IRF4: variants seen among roughly 807,000 people sequenced by gnomAD.
The protein encoded by IRF4 is interferon regulatory factor 4, also known as lymphocyte-specific interferon regulatory factor.
IRF4 carries 13 observed loss-of-function variants against 55.5 expected under a neutral mutation model. That is an observed-to-expected ratio of 0.23 (90% confidence interval 0.15 to 0.37). IRF4 has a LOEUF of 0.37. Among genes scored for constraint, IRF4 ranks in the 10% least tolerant of loss-of-function variants. The pLI, the probability that IRF4 is intolerant of heterozygous loss-of-function variation, is 1.00. For missense variants in IRF4, 397 were observed against 593.8 expected (o/e 0.67, Z 3.44); for synonymous variants, 249 against 240.7 (o/e 1.03, Z -0.32).
At chr6:396,002 G>C in intron 4 of IRF4, 67 bp downstream of exon 4, 1 of 1,282,654 alleles carries the variant, frequency 7.8e-7, no homozygotes, top group Non-Finnish European at 1.1e-6. Flanking sequence ...CATGGCCAGA[G>C]AACCACAGCA....
rs551605330 is a variant in IRF4, at chr6:408,330, G to A, written c.*732G>A. 15 of 231,992 alleles carry A rather than the reference G, an allele frequency of 6.5e-5. No individual in the cohort carries two copies. Among genetic ancestry groups the A allele is most frequent in the African/African-American group, 3.3e-4 (15 of 45,356 alleles). 14.4% of individuals were successfully genotyped at this position (231,992 alleles called of 1,614,324 possible). ...TGACTGAAGCCGTGCCTGTAGCCTTGGGGAGGCCCATCCCCCACCTGCCAG... is the reference window on the plus strand; with the variant it reads ...TGACTGAAGCCGTGCCTGTAGCCTTAGGGAGGCCCATCCCCCACCTGCCAG... On this transcript the variant is annotated 3_prime_UTR_variant, in exon 9 of 9. Coordinates refer to ENST00000380956, the MANE Select transcript of IRF4 (RefSeq NM_002460.4).
At chr6:397,337 A>G in intron 5 of IRF4, 85 bp downstream of exon 5, 1 of 1,478,158 alleles carries the variant, frequency 6.8e-7, no homozygotes. Context: ...TGTCCTGGGC[A>G]GCACCAAAGC....
chr6:397,031 C>T, intron 4 of IRF4, 77 bp from the exon 5 acceptor site: 2 of 1,483,976 alleles, frequency 1.3e-6, no homozygotes, highest in Non-Finnish European at 1.8e-6. Flanking sequence ...TGCTTCCTAT[C>T]TCAGCCTCTC....
chr6:404,173 C>T (rs979308750), intron 7 of IRF4, among the ~76,000 whole-genome samples: 3 of 152,152 alleles, frequency 2.0e-5, no homozygotes, highest in South Asian at 2.1e-4. Flanking sequence ...GTTTCTTTTG[C>T]GGGCGTGACA....
chr6:395,503 C>T (rs1761228659), intron 3 of IRF4, among the ~76,000 whole-genome samples: 1 of 152,128 alleles, frequency 6.6e-6, no homozygotes, highest in South Asian at 2.1e-4. Flanking sequence ...ACCAGTGTGT[C>T]TGGAAGAGAG....
intron 7 of IRF4, among the ~76,000 whole-genome samples, chr6:404,663 C>A (rs1279632053): frequency 6.6e-6 from 1 of 152,248 alleles, no homozygotes; most frequent in Admixed American, 6.5e-5. Context: ...ATAAATTGGT[C>A]TTTTGCCATT....
Position 405,073 on chromosome 6 carries a change from A to T in IRF4, c.1155A>T (p.Leu385=), listed in dbSNP as rs1581230803. The change falls in exon 8 of 9, where the codon CTA becomes CTT. Residue 385 remains leucine (L), a synonymous_variant. Coordinates refer to ENST00000380956, the MANE Select transcript of IRF4 (RefSeq NM_002460.4). Reference sequence around the variant, plus strand: ...CCCTGCCAAGATTCCAGGTGACTCTATGCTTTGGAGAGGAGTTTCCAGACC... The same window carrying T: ...CCCTGCCAAGATTCCAGGTGACTCTTTGCTTTGGAGAGGAGTTTCCAGACC... ...GRSLPRFQVT[L]CFGEEFPDPQ... 1 of 1,614,096 alleles carries T rather than the reference A, an allele frequency of 6.2e-7. No homozygotes were observed. The highest frequency in any genetic ancestry group is 8.5e-7 in the Non-Finnish European group (1 of 1,179,968).
At chr6:400,330 C>G (rs1341464924) in intron 6 of IRF4, among the ~76,000 whole-genome samples, 2 of 152,166 alleles carry the variant, frequency 1.3e-5, no homozygotes, top group Admixed American at 1.3e-4. Context: ...TGCCACTCCC[C>G]TGCGGTCTGG....
At chr6:403,138 G>A (rs1210971728) in intron 7 of IRF4, among the ~76,000 whole-genome samples, 4 of 152,256 alleles carry the variant, frequency 2.6e-5, no homozygotes, top group African/African-American at 9.6e-5. Flanking sequence ...GAAGTCACCT[G>A]GGGCTGGACA....
intron 7 of IRF4, among the ~76,000 whole-genome samples, chr6:402,850 G>A (rs997492481): frequency 7.2e-5 from 11 of 152,194 alleles, no homozygotes; most frequent in Non-Finnish European, 1.2e-4. Context: ...TGGCCAACAT[G>A]GCAAAACCCC....
rs548184391 is a variant in IRF4, at chr6:404,979, G to C, written c.1100-39G>C. On this transcript the variant is annotated intron_variant, in intron 7 of 8. Coordinates refer to ENST00000380956, the MANE Select transcript of IRF4 (RefSeq NM_002460.4). Reference sequence around the variant, plus strand: ...TTAACCTGGTGTGTTCGGTGATGAGGGTTTCTGAACATGGTCTCTTTCTTG... The same window carrying C: ...TTAACCTGGTGTGTTCGGTGATGAGCGTTTCTGAACATGGTCTCTTTCTTG... 2.3e-6 allele frequency: 3 copies of C among 1,284,318 alleles called. No individual in the cohort carries two copies. The South Asian group carries it at 3.6e-5, about 15-fold the overall frequency. 79.6% of individuals were successfully genotyped at this position (1,284,318 alleles called of 1,614,324 possible). A position where few individuals can be genotyped will look rare whatever the true frequency, so the allele number is the denominator to read the frequency against.
intron 6 of IRF4, among the ~76,000 whole-genome samples, chr6:399,534 G>A (rs1761347850): frequency 6.7e-6 from 1 of 150,222 alleles, no homozygotes; most frequent in Admixed American, 6.6e-5. Flanking sequence ...GCACCATGGA[G>A]ATCTTACCTA....
chr6:398,807 G>T, intron 5 of IRF4, 21 bp from the exon 6 acceptor site: 1 of 1,584,564 alleles, frequency 6.3e-7, no homozygotes, highest in South Asian at 1.1e-5. Context: ...GACATCATCT[G>T]ATTTTTATTT....
intron 4 of IRF4, 70 bp downstream of exon 4, chr6:396,005 C>G: frequency 4.9e-6 from 6 of 1,221,690 alleles, no homozygotes; most frequent in South Asian, 3.9e-5. Context: ...GGCCAGAGAA[C>G]CACAGCAGCC....
intron 8 of IRF4, 36 bp from the exon 9 acceptor site, chr6:407,419 A>G: frequency 1.3e-6 from 2 of 1,577,440 alleles, no homozygotes. Context: ...GTTGCAGGAT[A>G]TCTCAGTAAT....
rs777806353 is a variant in IRF4 at position 401,485 on chromosome 6, C to G, written c.807C>G (p.Ser269=). 1.9e-6 allele frequency: 3 copies of G among 1,613,768 alleles called. No homozygotes were observed. In the African/African-American group the frequency reaches 4.0e-5, roughly 22 times the overall value. The change falls in exon 7 of 9, where the codon TCC becomes TCG. Residue 269 remains serine (S), a synonymous_variant. Transcript: ENST00000380956. The part of the protein sequence containing the change: ...REILVKELTT[S]SPEGCRISHG... ...TCCTCGTGAAGGAGCTGACCACGTCCAGCCCCGAGGGCTGCCGGATCTCCC... is the reference window on the plus strand; with the variant it reads ...TCCTCGTGAAGGAGCTGACCACGTCGAGCCCCGAGGGCTGCCGGATCTCCC...
chr6:401,356 G>C, intron 6 of IRF4, 68 bp from the exon 7 acceptor site: 1 of 1,209,756 alleles, frequency 8.3e-7, no homozygotes, highest in Non-Finnish European at 1.2e-6. Flanking sequence ...GCTTGGCTCT[G>C]TGGAGTCGTT....
chr6:405,170 T>C (rs1461697680), intron 8 of IRF4, 40 bp downstream of exon 8: 1 of 1,126,986 alleles, frequency 8.9e-7, no homozygotes, highest in Admixed American at 1.8e-5. Flanking sequence ...TGGCTTCCTG[T>C]TCTTTGTAAA....
chr6:405,950 A>T (rs1761533283), intron 8 of IRF4, among the ~76,000 whole-genome samples: 1 of 152,172 alleles, frequency 6.6e-6, no homozygotes, highest in Admixed American at 6.5e-5. Context: ...TACCAGGTAA[A>T]AGTTACACCC....
Sources: gnomAD v4.1 joint callset for allele counts (sites outside exome capture counted in the v4.1 genomes callset) on GRCh38, gnomAD v4.1.1 for gene constraint, MANE v1.5 for transcripts, NCBI Gene and HGNC (gene_info 2026-07-23, HGNC 2026-07-21) for gene names.